Variants in HECW1 observed in about 807,000 individuals in gnomAD.
HECW1 encodes the protein HECT, C2 and WW domain containing E3 ubiquitin protein ligase 1, also known as E3 ubiquitin-protein ligase HECW1.
In HECW1, 61 loss-of-function variants were observed where a neutral mutation model predicts 182.3. The observed-to-expected ratio is 0.33, with a 90% CI of 0.27 to 0.41. The LOEUF (loss-of-function observed/expected upper bound fraction) is 0.41. Ranked by LOEUF, HECW1 falls within the 10% of genes least tolerant of loss-of-function variation. HECW1 has a pLI of 1.00. For missense variants in HECW1, 1,739 were observed against 2,108.9 expected (o/e 0.82, Z 3.44); for synonymous variants, 859 against 832.6 (o/e 1.03, Z -0.55).
At chr7:43,385,122 T>C (rs1482994394) in intron 6 of HECW1, among the ~76,000 whole-genome samples, 1 of 150,556 alleles carries the variant, frequency 6.6e-6, no homozygotes, top group African/African-American at 2.4e-5. Context: ...CAAAGGGGCA[T>C]CTCTCTTTCC....
At chr7:43,127,963 C>T (rs1038558888) in intron 2 of HECW1, among the ~76,000 whole-genome samples, 3 of 151,980 alleles carry the variant, frequency 2.0e-5, no homozygotes, top group Non-Finnish European at 4.4e-5. Context: ...ACTGCAACCT[C>T]GGCTTCCTGG....
chr7:43,177,197 C>T (rs1012920406), intron 2 of HECW1, among the ~76,000 whole-genome samples: 2 of 152,136 alleles, frequency 1.3e-5, no homozygotes, highest in Non-Finnish European at 2.9e-5. Context: ...GAATATTGCT[C>T]TCTCACACAT....
At chr7:43,457,575 C>A (rs2077444499) in intron 13 of HECW1, among the ~76,000 whole-genome samples, 1 of 152,026 alleles carries the variant, frequency 6.6e-6, no homozygotes, top group Admixed American at 6.5e-5. Flanking sequence ...GAGTTCGAGA[C>A]CAGCCTGGCC....
chr7:43,434,564 G>A (rs573263563), intron 8 of HECW1, among the ~76,000 whole-genome samples: 1 of 152,336 alleles, frequency 6.6e-6, no homozygotes, highest in African/African-American at 2.4e-5. Flanking sequence ...TGAGGCTCAT[G>A]GGTGCAAGTA....
chr7:43,221,578 T>C (rs974122232), intron 2 of HECW1, among the ~76,000 whole-genome samples: 1 of 114,200 alleles, frequency 8.8e-6, no homozygotes, highest in African/African-American at 3.5e-5. Flanking sequence ...TTTTTTTTTT[T>C]TGGGACAGCC....
At chr7:43,364,240 G>A (rs187025260) in intron 6 of HECW1, among the ~76,000 whole-genome samples, 3 of 152,230 alleles carry the variant, frequency 2.0e-5, no homozygotes, top group Admixed American at 1.3e-4. Flanking sequence ...ATGGTCTCAC[G>A]ATGCATCAAT....
At chr7:43,255,393 G>GT (rs1800451724) in intron 3 of HECW1, among the ~76,000 whole-genome samples, 1 of 152,110 alleles carries the variant, frequency 6.6e-6, no homozygotes, top group South Asian at 2.1e-4. Flanking sequence ...AAGGTCAGGA[G>GT]TTCAAGACCA....
intron 5 of HECW1, among the ~76,000 whole-genome samples, chr7:43,335,071 T>C (rs1167739238): frequency 1.3e-5 from 2 of 152,228 alleles, no homozygotes; most frequent in East Asian, 1.9e-4. Flanking sequence ...ATTAAAATAA[T>C]ATGATGAAAT....
chr7:43,114,272 C>T lies in HECW1; in HGVS notation c.-151C>T, dbSNP rs1369027124. 3 of 1,363,760 alleles carry T rather than the reference C, an allele frequency of 2.2e-6. No individual in the cohort carries two copies. Among genetic ancestry groups the T allele is most frequent in the Non-Finnish European group, 2.9e-6 (3 of 1,034,642 alleles). 84.5% of individuals were successfully genotyped at this position (1,363,760 alleles called of 1,614,324 possible). ...TAAACGCGATTTAGGAGGGCAGATGCCCTACCCGAAAAGGCCAACCGTTAA... is the reference window on the plus strand; with the variant it reads ...TAAACGCGATTTAGGAGGGCAGATGTCCTACCCGAAAAGGCCAACCGTTAA... On this transcript the variant is annotated 5_prime_UTR_variant, in exon 2 of 30. Coordinates refer to ENST00000395891, the MANE Select transcript of HECW1 (RefSeq NM_015052.5).
intron 2 of HECW1, among the ~76,000 whole-genome samples, chr7:43,205,177 G>T (rs376264211): frequency 1.3e-5 from 2 of 151,662 alleles, no homozygotes; most frequent in African/African-American, 4.8e-5. Context: ...TTCACCTCTT[G>T]GGTTCAAGAG....
At chr7:43,147,351 T>C (rs1329019526) in intron 2 of HECW1, 1 of 152,196 alleles carries the variant, frequency 6.6e-6, no homozygotes, top group Non-Finnish European at 1.5e-5. Flanking sequence ...ATAGAGTGCA[T>C]TTTGCCCTTT....
At chr7:43,414,594 G>T (rs2075923568) in intron 8 of HECW1, among the ~76,000 whole-genome samples, 1 of 151,854 alleles carries the variant, frequency 6.6e-6, no homozygotes, top group Non-Finnish European at 1.5e-5. Flanking sequence ...CTGTGGGTTT[G>T]TCATAGACAG....
intron 3 of HECW1, among the ~76,000 whole-genome samples, chr7:43,293,881 C>T (rs1805713514): frequency 1.3e-5 from 2 of 152,084 alleles, no homozygotes; most frequent in Admixed American, 1.3e-4. Context: ...CTGAGTGCCA[C>T]CTCCCATCAG....
chr7:43,193,905 C>G (rs1794178714), intron 2 of HECW1, among the ~76,000 whole-genome samples: 1 of 152,094 alleles, frequency 6.6e-6, no homozygotes, highest in Non-Finnish European at 1.5e-5. Context: ...TGTGAATGCC[C>G]CCCACAAGAG....
At chr7:43,467,956 G>A (rs573514436) in intron 15 of HECW1, among the ~76,000 whole-genome samples, 2 of 152,152 alleles carry the variant, frequency 1.3e-5, no homozygotes, top group African/African-American at 4.8e-5. Flanking sequence ...CAGCTCCCCA[G>A]AGGTGTTGTG....
chr7:43,489,722 C>T (rs2152917747), intron 17 of HECW1, among the ~76,000 whole-genome samples: 1 of 152,364 alleles, frequency 6.6e-6, no homozygotes, highest in South Asian at 2.1e-4. Flanking sequence ...GAACTGGTGG[C>T]CCCTGTCTGC....
chr7:43,140,887 A>T (rs552941773), intron 2 of HECW1, among the ~76,000 whole-genome samples: 1 of 152,262 alleles, frequency 6.6e-6, no homozygotes, highest in East Asian at 1.9e-4. Context: ...GGCCTTCTCC[A>T]TCATAGACAG....
chr7:43,172,906 G>A (rs564856203), intron 2 of HECW1, among the ~76,000 whole-genome samples: 18 of 152,194 alleles, frequency 1.2e-4, no homozygotes, highest in Non-Finnish European at 1.8e-4. Flanking sequence ...AACACATACA[G>A]CTAGACCATT....
At chr7:43,339,662 G>A (rs1812720860) in intron 5 of HECW1, among the ~76,000 whole-genome samples, 2 of 152,226 alleles carry the variant, frequency 1.3e-5, no homozygotes, top group South Asian at 4.2e-4. Context: ...AGTTACTTTA[G>A]GTGATGACAT....
Sources: allele counts gnomAD v4.1 joint callset (sites outside exome capture counted in the v4.1 genomes callset), GRCh38; gene constraint gnomAD v4.1.1; transcripts MANE v1.5; gene names NCBI Gene and HGNC (gene_info 2026-07-23, HGNC 2026-07-21).